STPG2: variants seen among roughly 807,000 people sequenced by gnomAD.
The protein encoded by STPG2 is sperm-tail PG-rich repeat-containing protein 2.
STPG2 carries 56 observed loss-of-function variants against 54.2 expected under a neutral mutation model. The observed-to-expected ratio is 1.03, with a 90% CI of 0.83 to 1.29. STPG2 has a LOEUF of 1.29. Among genes scored for constraint, STPG2 ranks in the 50% most tolerant of loss-of-function variants. The pLI is 0.00. For missense variants in STPG2, 596 were observed against 544.9 expected (o/e 1.09, Z -0.93); for synonymous variants, 200 against 181.8 (o/e 1.10, Z -0.81).
intron 10 of STPG2, among the ~76,000 whole-genome samples, chr4:97,693,055 C>G (rs1388427296): frequency 1.3e-5 from 2 of 151,586 alleles, no homozygotes; most frequent in African/African-American, 2.4e-5. Context: ...TAGCTCTAAA[C>G]CTTGAAACAA....
At chr4:98,116,501 C>A (rs1739529358) in intron 3 of STPG2, among the ~76,000 whole-genome samples, 1 of 151,794 alleles carries the variant, frequency 6.6e-6, no homozygotes, top group Non-Finnish European at 1.5e-5. Flanking sequence ...AAGTCTGGCT[C>A]CATTACACTT....
rs1258129984 is a variant in STPG2, at chr4:97,559,685, A to G, written c.1321-568T>C. ...GAACATTAGTTATTTTGCACTGATT[A>G]CTACAGTATATTTAACCTTCAATTC... On this transcript the variant is annotated intron_variant, in intron 10 of 10. Coordinates refer to ENST00000295268, the MANE Select transcript of STPG2 (RefSeq NM_174952.3). Among the ~76,000 whole-genome samples the G allele has an allele frequency of 2.6e-5, 4 of 152,260 alleles. No individual in the cohort carries two copies. The East Asian group carries it at 7.7e-4, about 29-fold the overall frequency.
At chr4:97,694,812 CAAAAAAAAAAAAAAAAAAAAAAAAAA>C (rs70953083) in intron 10 of STPG2, among the ~76,000 whole-genome samples, 3 of 44,032 alleles carry the variant, frequency 6.8e-5, no homozygotes, top group African/African-American at 1.4e-4. Context: ...GACTCTGTCA[CAAAAAAAAAAAAAAAAAAAAAAAAAA>C]AAAAAAAAAA....
chr4:98,102,630 T>A (rs974437354), intron 5 of STPG2, among the ~76,000 whole-genome samples: 1 of 152,032 alleles, frequency 6.6e-6, no homozygotes, highest in Non-Finnish European at 1.5e-5. Context: ...TGCATTTCTG[T>A]AGCTCCTCTA....
intron 9 of STPG2, among the ~76,000 whole-genome samples, chr4:97,751,691 G>T (rs903054034): frequency 4.0e-5 from 6 of 151,768 alleles, no homozygotes; most frequent in Non-Finnish European, 8.9e-5. Context: ...TTGCCAAAGA[G>T]TGGTCAGAGC....
chr4:97,680,902 T>C (rs1372983896), intron 10 of STPG2, among the ~76,000 whole-genome samples: 2 of 152,020 alleles, frequency 1.3e-5, no homozygotes, highest in African/African-American at 2.4e-5. Context: ...ACTCAGCTAA[T>C]AATAGAAAGG....
At chr4:97,637,867 T>A (rs1483655290) in intron 10 of STPG2, among the ~76,000 whole-genome samples, 1 of 152,146 alleles carries the variant, frequency 6.6e-6, no homozygotes, top group African/African-American at 2.4e-5. Flanking sequence ...TGGAAGAATA[T>A]TCCATGCTCA....
chr4:97,798,123 C>A (rs1408521475), intron 9 of STPG2, among the ~76,000 whole-genome samples: 5 of 152,072 alleles, frequency 3.3e-5, no homozygotes, highest in African/African-American at 7.2e-5. Flanking sequence ...TTGATCTTTT[C>A]AAAAAACTAG....
chr4:97,759,102 A>G (rs1187783865), intron 9 of STPG2, among the ~76,000 whole-genome samples: 1 of 152,178 alleles, frequency 6.6e-6, no homozygotes, highest in African/African-American at 2.4e-5. Context: ...GGGAAGTCTC[A>G]AAGAAAAGGA....
At chr4:97,558,175 T>A (rs1249079615), downstream of STPG2, among the ~76,000 whole-genome samples, 1 of 152,080 alleles carries the variant, frequency 6.6e-6, no homozygotes. Flanking sequence ...TGGATTCAGG[T>A]TTTTTCAATA....
chr4:97,981,126 C>T (rs763948719), intron 6 of STPG2, 33 bp downstream of exon 6: 6 of 1,595,036 alleles, frequency 3.8e-6, no homozygotes, highest in African/African-American at 2.7e-5. Context: ...TTTATAAAGC[C>T]AAAGAGTAGA....
At chr4:97,615,586 G>A (rs1733840050) in intron 10 of STPG2, among the ~76,000 whole-genome samples, 1 of 151,854 alleles carries the variant, frequency 6.6e-6, no homozygotes, top group Admixed American at 6.6e-5. Context: ...CTTAATCATA[G>A]TATTTTTAAA....
At chr4:97,757,695 T>C (rs1349091568) in intron 9 of STPG2, among the ~76,000 whole-genome samples, 1 of 152,294 alleles carries the variant, frequency 6.6e-6, no homozygotes, top group Non-Finnish European at 1.5e-5. Context: ...CAAACAAATA[T>C]ATTCATGCAT....
Position 97,676,226 on chromosome 4 carries a change from C to T in STPG2, c.1320+36473G>A, listed in dbSNP as rs1177497849. 3.3e-5 allele frequency among the ~76,000 whole-genome samples: 5 copies of T among 151,480 alleles called. No homozygotes were observed. The East Asian group carries it at 9.7e-4, about 29-fold the overall frequency. ...AAGCTTTATGCATGTCAAACGACAG[C>T]TATGAAGTTAGTGACAGTAGCTTAC... On this transcript the variant is annotated intron_variant, in intron 10 of 10. Coordinates refer to ENST00000295268, the MANE Select transcript of STPG2 (RefSeq NM_174952.3).
At chr4:97,625,445 GA>G (rs1307437348) in intron 10 of STPG2, among the ~76,000 whole-genome samples, 1 of 152,094 alleles carries the variant, frequency 6.6e-6, no homozygotes, top group Non-Finnish European at 1.5e-5. Context: ...GAGTAGCTGG[GA>G]CTACAGGTGT....
At chr4:97,714,221 C>T (rs7658560) in intron 9 of STPG2, among the ~76,000 whole-genome samples, 16,694 of 152,118 alleles carry the variant, frequency 0.11, 2,647 homozygotes, top group African/African-American at 0.35. Flanking sequence ...CTTGTTGATG[C>T]TTTAAAATCT....
chr4:97,585,386 C>G (rs1316395380), intron 10 of STPG2, among the ~76,000 whole-genome samples: 2 of 151,910 alleles, frequency 1.3e-5, no homozygotes, highest in Non-Finnish European at 2.9e-5. Context: ...TTCCCTCATC[C>G]AGTGAGAAAC....
At chr4:97,742,478 T>C (rs868738266) in intron 9 of STPG2, among the ~76,000 whole-genome samples, 8 of 150,996 alleles carry the variant, frequency 5.3e-5, no homozygotes, top group Middle Eastern at 3.4e-3. Context: ...AACCAAGATA[T>C]GGGAACAACC....
At chr4:97,995,070 C>G (rs1244963196) in intron 5 of STPG2, among the ~76,000 whole-genome samples, 6 of 151,978 alleles carry the variant, frequency 3.9e-5, no homozygotes, top group Admixed American at 3.9e-4. Context: ...ACACAGGTCA[C>G]CAGGAAAGTG....
Sources: allele counts gnomAD v4.1 joint callset (sites outside exome capture counted in the v4.1 genomes callset), GRCh38; gene constraint gnomAD v4.1.1; transcripts MANE v1.5; gene names NCBI Gene and HGNC (gene_info 2026-07-23, HGNC 2026-07-21).